The following EYS variants were observed in gnomAD, a reference collection of about 807,000 sequenced individuals.
EYS encodes the protein EGF-like photoreceptor maintenance factor, also known as protein eyes shut homolog.
In EYS, 250 loss-of-function variants were observed where a neutral mutation model predicts 282.1. That is an observed-to-expected ratio of 0.89 (90% CI 0.80 to 0.98). The LOEUF is 0.98. Among genes scored for constraint, EYS ranks in the 50% least tolerant of loss-of-function variants. EYS has a pLI of 0.00. For missense variants in EYS, 4,016 were observed against 3,709.0 expected, an observed-to-expected ratio of 1.08 and a Z score of -2.15; for synonymous variants, 1,355 against 1,282.9, an observed-to-expected ratio of 1.06 and a Z score of -1.20.
intron 31 of EYS, among the ~76,000 whole-genome samples, chr6:64,091,889 A>C (rs970347168): frequency 9.2e-5 from 14 of 152,010 alleles, no homozygotes; most frequent in Non-Finnish European, 1.5e-5. Context: ...TCCTAATGCT[A>C]TCTCTCCCCA....
chr6:63,882,194 C>T (rs1022814280), intron 35 of EYS, among the ~76,000 whole-genome samples: 6 of 152,126 alleles, frequency 3.9e-5, no homozygotes, highest in African/African-American at 1.2e-4. Context: ...ACTGACTGTC[C>T]CAATTCCTTT....
At chr6:65,531,997 A>ATTATAATTTATAATTATAATTAT (rs1767788155) in intron 2 of EYS, among the ~76,000 whole-genome samples, 1 of 152,184 alleles carries the variant, frequency 6.6e-6, no homozygotes, top group Non-Finnish European at 1.5e-5. Flanking sequence ...AATATACGTT[A>ATTATAATTTATAATTATAATTAT]AAATTCTTAT....
chr6:64,842,758 A>G (rs1263451362), intron 19 of EYS, among the ~76,000 whole-genome samples: 2 of 152,088 alleles, frequency 1.3e-5, no homozygotes, highest in East Asian at 1.9e-4. Flanking sequence ...GATTAAGAGT[A>G]TCTGATGGAA....
intron 15 of EYS, among the ~76,000 whole-genome samples, chr6:64,944,664 T>C (rs1200595568): frequency 2.0e-5 from 3 of 152,056 alleles, no homozygotes; most frequent in Non-Finnish European, 4.4e-5. Context: ...TGAGGAGGAT[T>C]AGTAAAAGAG....
At position 64,807,889 on chromosome 6, in the gene EYS, G is replaced by A. The variant is rs1375287688; in HGVS notation, c.3443+5489C>T. On this transcript the variant is annotated intron_variant, in intron 22 of 42. Coordinates refer to ENST00000503581, the MANE Select transcript of EYS (RefSeq NM_001142800.2). ...CATACTGCCTATGTATTTGTCCACA[G>A]TAATAAGGAGACTATATGTCAGTGG... 2.6e-5 allele frequency among the ~76,000 whole-genome samples: 4 copies of A among 151,914 alleles called. No homozygotes were observed. The South Asian group carries it at 8.3e-4, about 31-fold the overall frequency.
chr6:64,613,343 C>A (rs1174289482), intron 24 of EYS, among the ~76,000 whole-genome samples: 1 of 152,004 alleles, frequency 6.6e-6, no homozygotes, highest in African/African-American at 2.4e-5. Context: ...GAAAGAAAAT[C>A]CATTCATGTT....
At chr6:65,135,984 T>C (rs904871154) in intron 12 of EYS, among the ~76,000 whole-genome samples, 12 of 152,104 alleles carry the variant, frequency 7.9e-5, no homozygotes, top group African/African-American at 2.9e-4. Flanking sequence ...CTTTTACATG[T>C]AAATTTAATG....
chr6:64,168,540 A>G (rs991320171), intron 31 of EYS, among the ~76,000 whole-genome samples: 1 of 152,232 alleles, frequency 6.6e-6, no homozygotes, highest in Non-Finnish European at 1.5e-5. Flanking sequence ...AAGGTCCACC[A>G]ACTTGTAAAT....
intron 13 of EYS, among the ~76,000 whole-genome samples, chr6:65,057,054 A>T (rs1349863443): frequency 6.6e-6 from 1 of 151,982 alleles, no homozygotes; most frequent in Non-Finnish European, 1.5e-5. Context: ...TTCTTAGCTT[A>T]GAAAGAGATA....
At chr6:63,762,184 A>G (rs17394455) in intron 41 of EYS, among the ~76,000 whole-genome samples, 7,423 of 152,160 alleles carry the variant, frequency 0.049, 276 homozygotes, top group Non-Finnish European at 0.074. Context: ...CACTTGACTT[A>G]ACTGCATTTA....
intron 2 of EYS, among the ~76,000 whole-genome samples, chr6:65,622,997 A>G (rs1042555088): frequency 6.6e-6 from 1 of 152,066 alleles, no homozygotes; most frequent in Non-Finnish European, 1.5e-5. Context: ...GGCTCATGTG[A>G]TTCTCCCACT....
At chr6:64,373,264 G>T (rs1237183802) in intron 29 of EYS, among the ~76,000 whole-genome samples, 2 of 151,974 alleles carry the variant, frequency 1.3e-5, no homozygotes, top group East Asian at 1.9e-4. Flanking sequence ...TTCTTTGAGG[G>T]GTTGATTATG....
intron 41 of EYS, among the ~76,000 whole-genome samples, chr6:63,748,789 A>G (rs899241258): frequency 6.6e-6 from 1 of 152,108 alleles, no homozygotes; most frequent in Non-Finnish European, 1.5e-5. Context: ...TGTTTACAAT[A>G]TTCTCTGATG....
At chr6:65,274,187 G>C (rs1264440398) in intron 12 of EYS, among the ~76,000 whole-genome samples, 1 of 152,186 alleles carries the variant, frequency 6.6e-6, no homozygotes, top group South Asian at 2.1e-4. Context: ...AACAGGACAA[G>C]TGGAAGCCAC....
At chr6:65,624,604 C>A (rs532016222) in intron 2 of EYS, among the ~76,000 whole-genome samples, 8 of 152,228 alleles carry the variant, frequency 5.3e-5, no homozygotes, top group African/African-American at 1.9e-4. Flanking sequence ...GGCAGACCCA[C>A]CCTCAATCTG....
chr6:64,121,016 A>C (rs1773570508), intron 31 of EYS, among the ~76,000 whole-genome samples: 1 of 152,120 alleles, frequency 6.6e-6, no homozygotes, highest in African/African-American at 2.4e-5. Context: ...GATGACTGTC[A>C]GCTAGGGACC....
chr6:64,777,989 A>G (rs1773731040), intron 22 of EYS, among the ~76,000 whole-genome samples: 1 of 152,134 alleles, frequency 6.6e-6, no homozygotes, highest in Non-Finnish European at 1.5e-5. Context: ...AACAACAAAG[A>G]TATGTTTCCC....
chr6:64,634,811 A>G (rs1562103433), intron 22 of EYS, among the ~76,000 whole-genome samples: 2 of 152,244 alleles, frequency 1.3e-5, no homozygotes, highest in Non-Finnish European at 2.9e-5. Flanking sequence ...TCCACTTTTA[A>G]GAACATTCAA....
intron 35 of EYS, among the ~76,000 whole-genome samples, chr6:63,983,467 A>T (rs1009361049): frequency 2.0e-5 from 3 of 151,400 alleles, no homozygotes; most frequent in African/African-American, 4.8e-5. Context: ...TATTCTAGTG[A>T]TCACTATCAG....
Sources: gnomAD v4.1 joint callset for allele counts (sites outside exome capture counted in the v4.1 genomes callset) on GRCh38, gnomAD v4.1.1 for gene constraint, MANE v1.5 for transcripts, NCBI Gene and HGNC (gene_info 2026-07-23, HGNC 2026-07-21) for gene names.